The following ADGRV1 variants were observed in gnomAD, a reference collection of about 807,000 sequenced individuals.
The protein encoded by ADGRV1 is G-protein coupled receptor 98.
In ADGRV1, 359 loss-of-function variants were observed where a neutral mutation model predicts 596.2. The observed-to-expected ratio is 0.60, with a 90% CI of 0.55 to 0.66. The LOEUF is 0.66. ADGRV1 is among the 30% of genes least tolerant of loss of function. ADGRV1 has a pLI of 0.00. For missense variants in ADGRV1, 7,274 were observed against 7,575.6 expected (o/e 0.96, Z 1.48); for synonymous variants, 2,681 against 2,679.2 (o/e 1.00, Z -0.02).
Position 90,653,901 on chromosome 5 carries a change from A to G in ADGRV1, c.4327A>G (p.Asn1443Asp). ...TATAATCGAATTCTACCTGGATGGA[A>G]ATGCAATGCCCAGGGGAATCAAGAG... is the stretch of plus-strand genomic sequence containing the variant. Reference protein sequence around the residue: ...DGIIEFYLDGNAMPRGIKSLK... With the variant: ...DGIIEFYLDGDAMPRGIKSLK... The change falls in exon 20 of 90, where the codon AAT becomes GAT. Residue 1443 changes from asparagine (N) to aspartate (D), a missense_variant. By Grantham distance (23) the Asn-to-Asp change is conservative. Transcript: ENST00000405460. The G allele has an allele frequency of 1.9e-6, 3 of 1,578,946 alleles. No homozygotes were observed. In the South Asian group the frequency reaches 3.5e-5, roughly 18 times the overall value.
intron 28 of ADGRV1, among the ~76,000 whole-genome samples, chr5:90,685,578 G>A (rs1217550702): frequency 2.0e-5 from 3 of 150,058 alleles, no homozygotes; most frequent in African/African-American, 4.9e-5. Context: ...TCCAGCCTGC[G>A]TGGTAGAGAG....
intron 88 of ADGRV1, 46 bp downstream of exon 88, chr5:91,150,267 CTCTCTCTCTCTCTGTCTG>C (rs2059375447): frequency 7.9e-7 from 1 of 1,265,226 alleles, no homozygotes; most frequent in Admixed American, 2.9e-5. Context: ...GTCTCTGTCT[CTCTCTCTCTCTCTGTCTG>C]TCTCTCTCTC....
Position 90,647,741 on chromosome 5 carries a change from A to T in ADGRV1, c.3266A>T (p.Tyr1089Phe). ...ATCCCGGAAACAGATGAGCCCTTTT[A>T]TATAATCCTCTTGAATTCAACAGGT... Reference protein sequence around the residue: ...DGIPETDEPFYIILLNSTGDT... With the variant: ...DGIPETDEPFFIILLNSTGDT... Residue 1089 changes from tyrosine to phenylalanine, a missense_variant, in exon 17 of 90, where the codon TAT becomes TTT. Tyr to Phe is a conservative substitution (Grantham distance 22). This residue lies in a region of ADGRV1 where 1,715 missense variants were observed against 1,708.8 expected (regional missense o/e 1.00). Transcript: ENST00000405460. 6.2e-7 allele frequency: 1 copy of T among 1,613,282 alleles called. No individual in the cohort carries two copies. Among genetic ancestry groups the T allele is most frequent in the South Asian group, 1.1e-5 (1 of 91,046 alleles).
intron 83 of ADGRV1, among the ~76,000 whole-genome samples, chr5:90,931,887 T>G (rs912853962): frequency 6.6e-6 from 1 of 152,170 alleles, no homozygotes; most frequent in African/African-American, 2.4e-5. Context: ...CCCTAAAATC[T>G]GAAAACTTAA....
intron 86 of ADGRV1, among the ~76,000 whole-genome samples, chr5:91,083,093 C>T (rs1364973410): frequency 6.6e-6 from 1 of 152,048 alleles, no homozygotes; most frequent in Admixed American, 6.6e-5. Flanking sequence ...TCATAAATTT[C>T]TTTAAAAATG....
At chr5:90,678,902 A>G (rs1347710828) in intron 25 of ADGRV1, among the ~76,000 whole-genome samples, 2 of 152,090 alleles carry the variant, frequency 1.3e-5, no homozygotes, top group African/African-American at 4.8e-5. Context: ...TCTATAATAA[A>G]AGACAGCATC....
intron 70 of ADGRV1, among the ~76,000 whole-genome samples, chr5:90,799,373 A>T (rs567593739): frequency 7.3e-4 from 111 of 152,324 alleles, no homozygotes; most frequent in African/African-American, 2.6e-3. Flanking sequence ...TTTACAAGGG[A>T]TGTGAAGGAC....
intron 85 of ADGRV1, among the ~76,000 whole-genome samples, chr5:91,032,696 C>A (rs954728412): frequency 6.6e-6 from 1 of 151,974 alleles, no homozygotes; most frequent in African/African-American, 2.4e-5. Flanking sequence ...AACAAAATCT[C>A]CCATTATGGT....
At chr5:90,940,935 G>A (rs1776118964) in intron 83 of ADGRV1, among the ~76,000 whole-genome samples, 1 of 152,164 alleles carries the variant, frequency 6.6e-6, no homozygotes, top group Non-Finnish European at 1.5e-5. Flanking sequence ...TTCTGTGAAG[G>A]AGACACAGAA....
intron 1 of ADGRV1, among the ~76,000 whole-genome samples, chr5:90,562,963 A>G (rs747247612): frequency 6.6e-6 from 1 of 152,202 alleles, no homozygotes; most frequent in African/African-American, 2.4e-5. Flanking sequence ...TGTTTATACT[A>G]TACATTTGAG....
At chr5:90,855,586 A>ATC (rs940838632) in intron 81 of ADGRV1, among the ~76,000 whole-genome samples, 155 bp from the exon 82 acceptor site, 3 of 152,214 alleles carry the variant, frequency 2.0e-5, no homozygotes, top group African/African-American at 7.2e-5. Flanking sequence ...GTCCTGGACA[A>ATC]GATGTTCCCT....
At chr5:90,730,396 A>G (rs779826711) in intron 50 of ADGRV1, among the ~76,000 whole-genome samples, 24 of 152,222 alleles carry the variant, frequency 1.6e-4, no homozygotes, top group Non-Finnish European at 2.9e-4. Flanking sequence ...CATTAAATAT[A>G]TATTTTTAAA....
intron 50 of ADGRV1, among the ~76,000 whole-genome samples, chr5:90,733,739 TAAATC>T (rs1450734436): frequency 6.6e-6 from 1 of 152,222 alleles, no homozygotes; most frequent in East Asian, 1.9e-4. Flanking sequence ...CATGGAATAT[TAAATC>T]AAGCTATTAA....
At chr5:90,769,189 G>A (rs149616866) in intron 59 of ADGRV1, among the ~76,000 whole-genome samples, 1 of 152,236 alleles carries the variant, frequency 6.6e-6, no homozygotes, top group Non-Finnish European at 1.5e-5. Context: ...CCACTGAGAT[G>A]CAGGGTACAG....
At position 91,014,174 on chromosome 5, in the gene ADGRV1, ACC is replaced by A. The variant is rs1491364480; in HGVS notation, c.18152+28655_18152+28656del. On this transcript the variant is annotated intron_variant, in intron 85 of 89. Coordinates refer to ENST00000405460, the MANE Select transcript of ADGRV1 (RefSeq NM_032119.4). The stretch of plus-strand genomic sequence containing the variant: ...CACACACACACACACACACACACAC[ACC>A]CCTAGACATACAGCTAACCAGGGAG... Among the ~76,000 whole-genome samples, 42 of 150,094 alleles carry A rather than the reference ACC, an allele frequency of 2.8e-4. 1 individual carries two copies. The highest frequency in any genetic ancestry group is 4.0e-4 in the Admixed American group (6 of 15,020).
Position 90,965,490 on chromosome 5 carries a change from C to T in ADGRV1, c.17932C>T (p.His5978Tyr). 6.2e-7 allele frequency: 1 copy of T among 1,613,550 alleles called. No homozygotes were observed. Among genetic ancestry groups the T allele is most frequent in the Non-Finnish European group, 8.5e-7 (1 of 1,179,528 alleles). ...ESCSAMAAVT[H>Y]YLYLCQFSWM... is the part of the protein sequence containing the mutation. ...CTGTTCAGCTATGGCTGCTGTCACA[C>T]ATTACCTGTATCTTTGCCAGTTTAG... The change falls in exon 84 of 90, where the codon CAT (histidine) becomes TAT (tyrosine). Residue 5978 changes from histidine (H) to tyrosine (Y), a missense_variant. This residue lies in a region of ADGRV1 where 1,874 missense variants were observed against 1,970.2 expected (regional missense o/e 0.95). Coordinates refer to ENST00000405460, the MANE Select transcript of ADGRV1 (RefSeq NM_032119.4).
At chr5:90,930,476 T>G (rs1037007042) in intron 83 of ADGRV1, among the ~76,000 whole-genome samples, 3 of 152,228 alleles carry the variant, frequency 2.0e-5, no homozygotes, top group African/African-American at 7.2e-5. Context: ...TGGGTGGTTT[T>G]GTACATGGAC....
intron 85 of ADGRV1, among the ~76,000 whole-genome samples, chr5:91,014,136 CCACACACACACA>C (rs70973720): frequency 0.049 from 1,740 of 35,694 alleles, 54 homozygotes; most frequent in African/African-American, 0.13. Flanking sequence ...TTCACAATTG[CCACACACACACA>C]CACACACACA....
At chr5:90,599,882 TA>T (rs1188701198) in intron 1 of ADGRV1, among the ~76,000 whole-genome samples, 2 of 152,230 alleles carry the variant, frequency 1.3e-5, no homozygotes, top group African/African-American at 4.8e-5. Context: ...GTTGGGGGAA[TA>T]ATAGAGCATG....
Sources: allele counts gnomAD v4.1 joint callset (sites outside exome capture counted in the v4.1 genomes callset), GRCh38; gene constraint gnomAD v4.1.1; regional missense constraint gnomAD v4.1.1; transcripts MANE v1.5; gene names NCBI Gene and HGNC (gene_info 2026-07-23, HGNC 2026-07-21).